UCK1: variants seen among roughly 807,000 people sequenced by gnomAD.
UCK1 encodes cytidine monophosphokinase 1.
In UCK1, 20 loss-of-function variants were observed where a neutral mutation model predicts 34.0. The ratio of observed to expected loss-of-function variants is 0.59; its 90% CI spans 0.41 to 0.86. The LOEUF (loss-of-function observed/expected upper bound fraction) is 0.86, where lower values mean the gene tolerates loss of function less well. UCK1 is among the 40% of genes least tolerant of loss of function. UCK1 has a pLI of 0.00. For synonymous variants in UCK1, 168 were observed against 155.9 expected (o/e 1.08, Z -0.58); for missense variants, 343 against 383.6 (o/e 0.89, Z 0.88).
chr9:131,528,753 G>A (rs1165776251), intron 5 of UCK1, 191 bp downstream of exon 5: 1 of 672,816 alleles, frequency 1.5e-6, no homozygotes, highest in Non-Finnish European at 2.5e-6. Context: ...TTAGGCAGAG[G>A]GAGGAGCAGG....
At chr9:131,530,780 G>T in intron 1 of UCK1, 135 bp from the exon 2 acceptor site, 1 of 1,505,558 alleles carries the variant, frequency 6.6e-7, no homozygotes, top group Non-Finnish European at 9.1e-7. Flanking sequence ...AACAGGTGTG[G>T]ATGGTCTCAG....
Position 131,528,653 on chromosome 9 carries a change from G to A in UCK1, c.603+291C>T, listed in dbSNP as rs1405058669. The A allele has an allele frequency of 9.9e-5, 48 of 486,926 alleles. No individual in the cohort carries two copies. In the Admixed American group the frequency reaches 1.4e-3, roughly 14 times the overall value. 30.2% of individuals were successfully genotyped at this position (486,926 alleles called of 1,614,324 possible). A position where few individuals can be genotyped will look rare whatever the true frequency, so the allele number is the denominator to read the frequency against. Reference sequence around the variant, plus strand: ...CAGAGAGGCTGGCGCTGGGTGCAGAGGGTTTTCAGTGTTGAATGGGGACGC... The same window carrying A: ...CAGAGAGGCTGGCGCTGGGTGCAGAAGGTTTTCAGTGTTGAATGGGGACGC... On this transcript the variant is annotated intron_variant, in intron 5 of 6. Coordinates refer to ENST00000372215, the MANE Select transcript of UCK1 (RefSeq NM_031432.5).
intron 5 of UCK1, chr9:131,526,440 C>T: frequency 7.7e-7 from 1 of 1,291,150 alleles, no homozygotes; most frequent in Non-Finnish European, 1.0e-6. Context: ...CTGATGGTAA[C>T]TTACTCCCTC....
chr9:131,529,895 T>C (rs1950763859), intron 2 of UCK1, among the ~76,000 whole-genome samples: 2 of 152,226 alleles, frequency 1.3e-5, no homozygotes, highest in Admixed American at 1.3e-4. Context: ...GGGCCTCTGC[T>C]TCTCTCTCTT....
Position 131,525,938 on chromosome 9 carries a change from C to T in UCK1, c.643G>A (p.Asp215Asn). ...YADVIIPRGV[D>N]NMVAINLIVQ... ...CAGGCCAGCTTCTTACCCATATTGT[C>T]CACTCCTCGCGGGATGATCACATCG... is the stretch of plus-strand genomic sequence containing the variant. Residue 215 changes from aspartate to asparagine, a missense_variant, in exon 6 of 7, where the codon GAC (aspartate) becomes AAC (asparagine). Transcript: ENST00000372215. The T allele has an allele frequency of 6.2e-7, 1 of 1,614,054 alleles. No individual in the cohort carries two copies. The highest frequency in any genetic ancestry group is 1.1e-5 in the South Asian group (1 of 91,066).
At chr9:131,530,816 G>T in intron 1 of UCK1, 171 bp from the exon 2 acceptor site, 2 of 1,236,196 alleles carry the variant, frequency 1.6e-6, no homozygotes, top group Non-Finnish European at 2.3e-6. Context: ...GGCCCAACGG[G>T]GTTAGCACGG....
intron 6 of UCK1, among the ~76,000 whole-genome samples, chr9:131,525,423 C>T (rs1950559778): frequency 6.6e-6 from 1 of 152,214 alleles, no homozygotes; most frequent in Non-Finnish European, 1.5e-5. Context: ...CTTGGTCTTC[C>T]AGGAATTTAT....
Position 131,529,038 on chromosome 9 carries a change from A to C in UCK1, c.509T>G (p.Val170Gly). ...TDSDVRLSRR[V>G]LRDVRRGRDL... ...CCTCCCTCGGCGCACGTCCCGGAGAACTGCAGCGGCAAGGGGCAGGCGTGC... is the reference window on the plus strand; with the variant it reads ...CCTCCCTCGGCGCACGTCCCGGAGACCTGCAGCGGCAAGGGGCAGGCGTGC... The change falls in exon 5 of 7, where the codon GTT becomes GGT. Residue 170 changes from valine to glycine, a missense_variant and splice_region_variant. Coordinates refer to ENST00000372215, the MANE Select transcript of UCK1 (RefSeq NM_031432.5). The C allele has an allele frequency of 1.2e-6, 2 of 1,613,980 alleles. No individual in the cohort carries two copies. The highest frequency in any genetic ancestry group is 1.7e-6 in the Non-Finnish European group (2 of 1,179,984).
chr9:131,526,308 A>G lies in UCK1; in HGVS notation c.604-331T>C. The G allele has an allele frequency of 4.5e-6, 4 of 890,554 alleles. No homozygotes were observed. The South Asian group carries it at 6.1e-5, about 14-fold the overall frequency. The allele number at this position is 890,554 out of a possible 1,614,324, so 55.2% of individuals were successfully genotyped here. A position where few individuals can be genotyped will look rare whatever the true frequency, so the allele number is the denominator to read the frequency against. On this transcript the variant is annotated intron_variant, in intron 5 of 6. Coordinates refer to ENST00000372215, the MANE Select transcript of UCK1 (RefSeq NM_031432.5). Reference sequence around the variant, plus strand: ...GCTAACGACTCAATTCACTGGGCCAAGCTAAGTGTGGCACTTCTACAAAGT... The same window carrying G: ...GCTAACGACTCAATTCACTGGGCCAGGCTAAGTGTGGCACTTCTACAAAGT...
rs1435734336 is a variant in UCK1 at position 131,530,500 on chromosome 9, T to C, written c.254A>G (p.Asn85Ser). ...QKAKALKGQY[N>S]FDHPDAFDND... ...TCGCGATTTACCTGGATGGTCAAAA[T>C]TGTACTGTCCTTTCAAGGCCTTGGC... The change falls in exon 2 of 7, where the codon AAT becomes AGT. Residue 85 changes from asparagine to serine, a missense_variant. Physicochemically the swap from Asn to Ser is conservative, Grantham distance 46 (BLOSUM62 1). Coordinates refer to ENST00000372215, the MANE Select transcript of UCK1 (RefSeq NM_031432.5). 1.2e-6 allele frequency: 2 copies of C among 1,614,214 alleles called. No individual in the cohort carries two copies. Among genetic ancestry groups the C allele is most frequent in the Admixed American group, 1.7e-5 (1 of 60,032 alleles).
At chr9:131,527,972 G>A (rs1588534223) in intron 5 of UCK1, among the ~76,000 whole-genome samples, 2 of 152,258 alleles carry the variant, frequency 1.3e-5, no homozygotes, top group African/African-American at 2.4e-5. Context: ...CCAGGAGTTC[G>A]AGACCAGCCC....
At position 131,529,192 on chromosome 9, in the gene UCK1, G is replaced by A; in HGVS notation, c.444C>T (p.Ile148=). Residue 148 remains isoleucine (I), a synonymous_variant, in exon 4 of 7, where the codon ATC becomes ATT. Coordinates refer to ENST00000372215, the MANE Select transcript of UCK1 (RefSeq NM_031432.5). ...EGILVFYSQE[I]RDMFHLRLFV... ...AGAGGCGCAGGTGGAACATGTCCCG[G>A]ATCTCCTGGCTGTAGAACACCAAGA... is the stretch of plus-strand genomic sequence containing the variant. 3 of 1,614,152 alleles carry A rather than the reference G, an allele frequency of 1.9e-6. No individual in the cohort carries two copies. The highest frequency in any genetic ancestry group is 2.5e-6 in the Non-Finnish European group (3 of 1,180,016).
In UCK1 at chr9:131,525,226, G is replaced by C. The variant is rs75256366; in HGVS notation, c.653-5C>G. The stretch of plus-strand genomic sequence containing the variant: ...GCACGATCAGGTTGATGGCAACTGC[G>C]CCAAGAGACAGACAAGCAGCGGGTT... On this transcript the variant is annotated splice_polypyrimidine_tract_variant and splice_region_variant and intron_variant, in intron 6 of 6. Coordinates refer to ENST00000372215, the MANE Select transcript of UCK1 (RefSeq NM_031432.5). 6.2e-7 allele frequency: 1 copy of C among 1,613,484 alleles called. No individual in the cohort carries two copies. The highest frequency in any genetic ancestry group is 1.1e-5 in the South Asian group (1 of 91,062).
At position 131,531,179 on chromosome 9, in the gene UCK1, G is replaced by A. The variant is rs954620439; in HGVS notation, c.-5C>T. 4.3e-6 allele frequency: 6 copies of A among 1,404,226 alleles called. No individual in the cohort carries two copies. The highest frequency in any genetic ancestry group is 3.0e-5 in the Admixed American group (1 of 33,036). 87.0% of individuals were successfully genotyped at this position (1,404,226 alleles called of 1,614,324 possible). On this transcript the variant is annotated 5_prime_UTR_variant, in exon 1 of 7. Transcript: ENST00000372215. ...TTCGCCTCCCGCCGAAGCCATCTCG[G>A]CCTCCGCTCCCGCGCATCGGGTCCC...
In UCK1 at chr9:131,529,161, C is replaced by G; in HGVS notation, c.475G>C (p.Asp159His). The G allele has an allele frequency of 6.2e-7, 1 of 1,613,998 alleles. No homozygotes were observed. Among genetic ancestry groups the G allele is most frequent in the East Asian group, 2.2e-5 (1 of 44,880 alleles). Residue 159 changes from aspartate to histidine, a missense_variant, in exon 4 of 7, where the codon GAC (aspartate) becomes CAC (histidine). Coordinates refer to ENST00000372215, the MANE Select transcript of UCK1 (RefSeq NM_031432.5). ...GACAGCCTGACGTCGGAGTCGGTGT[C>G]CACGAAGAGGCGCAGGTGGAACATG... ...RDMFHLRLFV[D>H]TDSDVRLSRR...
At chr9:131,530,982 C>T in intron 1 of UCK1, 85 bp downstream of exon 1, 1 of 1,221,992 alleles carries the variant, frequency 8.2e-7, no homozygotes, top group Non-Finnish European at 1.0e-6. Context: ...GGGGGCCCCT[C>T]GGCCGGGGCT....
chr9:131,530,082 A>C (rs1173618095), intron 2 of UCK1, among the ~76,000 whole-genome samples: 1 of 152,138 alleles, frequency 6.6e-6, no homozygotes, highest in Non-Finnish European at 1.5e-5. Flanking sequence ...TAGTTTACCT[A>C]CCGCCTCCCA....
rs77198365 is a variant in UCK1, at chr9:131,524,892, G to A, written c.*148C>T. The A allele has an allele frequency of 3.5e-4, 330 of 936,854 alleles. 2 individuals are homozygous for A. In the East Asian group the frequency reaches 8.6e-3, roughly 24 times the overall value. 58.0% of individuals were successfully genotyped at this position (936,854 alleles called of 1,614,324 possible). A position where few individuals can be genotyped will look rare whatever the true frequency, so the allele number is the denominator to read the frequency against. On this transcript the variant is annotated 3_prime_UTR_variant, in exon 7 of 7. Coordinates refer to ENST00000372215, the MANE Select transcript of UCK1 (RefSeq NM_031432.5). The stretch of plus-strand genomic sequence containing the variant: ...AGTTGAGTCTGAGTGACACATCTGA[G>A]TTTCCACTCCTGAGTGAGGAAGGCC...
chr9:131,527,673 T>TG (rs1283037400), intron 5 of UCK1, among the ~76,000 whole-genome samples: 1 of 151,570 alleles, frequency 6.6e-6, no homozygotes, highest in Non-Finnish European at 1.5e-5. Context: ...TCCCAGGAGA[T>TG]GGAGACCAGC....
Sources: allele counts gnomAD v4.1 joint callset (sites outside exome capture counted in the v4.1 genomes callset), GRCh38; gene constraint gnomAD v4.1.1; transcripts MANE v1.5; gene names NCBI Gene and HGNC (gene_info 2026-07-23, HGNC 2026-07-21).